The following MGA variants were observed in gnomAD, a reference collection of about 807,000 sequenced individuals.
The protein encoded by MGA is MAX dimerization protein MGA, also known as MAX gene-associated protein.
MGA carries 40 observed loss-of-function variants against 261.1 expected under a neutral mutation model. That is an observed-to-expected ratio of 0.15 (90% CI 0.12 to 0.20). The LOEUF (loss-of-function observed/expected upper bound fraction) is 0.20. Among genes scored for constraint, MGA ranks in the 10% least tolerant of loss-of-function variants. The probability of loss-of-function intolerance (pLI) is 1.00; values close to 1 mark genes in which losing one functional copy is unlikely to be tolerated. For synonymous variants in MGA, 1,302 were observed against 1,290.6 expected, an observed-to-expected ratio of 1.01 and a Z score of -0.19; for missense variants, 3,397 against 3,630.5, an observed-to-expected ratio of 0.94 and a Z score of 1.65.
rs530924623 is a variant in MGA at position 41,767,957 on chromosome 15, A to T, written c.*677A>T. 6.6e-6 allele frequency: 1 copy of T among 152,622 alleles called. No homozygotes were observed. The highest frequency in any genetic ancestry group is 2.4e-5 in the African/African-American group (1 of 41,578). The allele number at this position is 152,622 out of a possible 1,614,324, so 9.5% of individuals were successfully genotyped here. On this transcript the variant is annotated 3_prime_UTR_variant, in exon 24 of 24. Coordinates refer to ENST00000219905, the MANE Select transcript of MGA (RefSeq NM_001164273.2). Reference sequence around the variant, plus strand: ...AATTATTTTGAGATCTTAAAAAAATAGTAGTTCTCCCTTATTATTTTTGTG... The same window carrying T: ...AATTATTTTGAGATCTTAAAAAAATTGTAGTTCTCCCTTATTATTTTTGTG...
chr15:41,673,051 C>T (rs1016058123), intron 2 of MGA, among the ~76,000 whole-genome samples: 7 of 152,080 alleles, frequency 4.6e-5, no homozygotes, highest in African/African-American at 9.7e-5. Flanking sequence ...CTTATTTTTG[C>T]TTCCTTGGCT....
intron 2 of MGA, among the ~76,000 whole-genome samples, chr15:41,681,595 T>G (rs2058683909): frequency 6.6e-6 from 1 of 151,910 alleles, no homozygotes. Flanking sequence ...AGACTATAAG[T>G]GTGTGCCTCC....
Position 41,645,930 on chromosome 15 carries a change from A to G in MGA, c.-67-22898A>G, listed in dbSNP as rs763246114. Reference sequence around the variant, plus strand: ...TTCTGCATATAATCACTGTTTTGCTATTTGACTAGGTTGAATTCATTGAGA... The same window carrying G: ...TTCTGCATATAATCACTGTTTTGCTGTTTGACTAGGTTGAATTCATTGAGA... On this transcript the variant is annotated intron_variant, in intron 1 of 8. Transcript: ENST00000566718. 4.6e-5 allele frequency among the ~76,000 whole-genome samples: 7 copies of G among 152,278 alleles called. No individual in the cohort carries two copies. The East Asian group carries it at 7.7e-4, about 17-fold the overall frequency.
At chr15:41,655,006 T>G (rs1240986652) in intron 1 of MGA, among the ~76,000 whole-genome samples, 4 of 152,154 alleles carry the variant, frequency 2.6e-5, no homozygotes, top group African/African-American at 9.7e-5. Flanking sequence ...TTGTTTTTGT[T>G]GATTTTCTAG....
intron 3 of MGA, among the ~76,000 whole-genome samples, chr15:41,697,418 CTTTTTTT>C (rs1204938099): frequency 7.5e-6 from 1 of 132,834 alleles, no homozygotes; most frequent in African/African-American, 2.8e-5. Flanking sequence ...TTTTTCTTTT[CTTTTTTT>C]TTTTTTTTTG....
At chr15:41,722,518 CT>C (rs937913973) in intron 9 of MGA, among the ~76,000 whole-genome samples, 14 of 152,136 alleles carry the variant, frequency 9.2e-5, no homozygotes, top group Non-Finnish European at 1.8e-4. Context: ...ATTTAAGTGC[CT>C]TTTTTATAGG....
intron 9 of MGA, 120 bp downstream of exon 9, chr15:41,713,616 CTTA>C (rs1235071489): frequency 1.7e-6 from 2 of 1,185,746 alleles, no homozygotes; most frequent in African/African-American, 1.5e-5. Context: ...TTTGAGACTT[CTTA>C]TTATCCTTAC....
intron 13 of MGA, among the ~76,000 whole-genome samples, chr15:41,737,965 G>C (rs1056132377): frequency 6.6e-6 from 1 of 151,814 alleles, no homozygotes. Flanking sequence ...GGGCAACAGA[G>C]GGAGATTGTC....
chr15:41,710,184 G>T (rs571448204), intron 7 of MGA, among the ~76,000 whole-genome samples: 1 of 152,280 alleles, frequency 6.6e-6, no homozygotes, highest in South Asian at 2.1e-4. Flanking sequence ...GATTGTCAAA[G>T]ATTGAAGATT....
chr15:41,745,306 A>G (rs12594319), intron 15 of MGA, among the ~76,000 whole-genome samples: 17,450 of 136,666 alleles, frequency 0.13, 1,988 homozygotes, highest in East Asian at 0.65. Flanking sequence ...AAAAAAAAAA[A>G]AGAGACAGCA....
intron 1 of MGA, among the ~76,000 whole-genome samples, chr15:41,641,628 T>C (rs1425936879): frequency 6.6e-6 from 1 of 151,808 alleles, no homozygotes; most frequent in Non-Finnish European, 1.5e-5. Context: ...TAGCTGGGAC[T>C]ATAGGTGCGC....
intron 22 of MGA, among the ~76,000 whole-genome samples, chr15:41,764,246 GT>G (rs1175392076): frequency 7.3e-6 from 1 of 137,378 alleles, no homozygotes; most frequent in African/African-American, 2.6e-5. Context: ...AAAATCTGGT[GT>G]GGGTATTTTT....
At chr15:41,683,052 T>C (rs545296793) in intron 2 of MGA, among the ~76,000 whole-genome samples, 91 of 152,270 alleles carry the variant, frequency 6.0e-4, no homozygotes, top group African/African-American at 2.0e-3. Flanking sequence ...TCTTTGAAAA[T>C]GTGTTGTTGC....
At position 41,711,255 on chromosome 15, in the gene MGA, A is replaced by G; in HGVS notation, c.2990A>G (p.Asp997Gly). Reference sequence around the variant, plus strand: ...TCTAAATCTCAGGTGAAGCTAATGGACCTGGAAGACTGTGCACTTTGGGAA... The same window carrying G: ...TCTAAATCTCAGGTGAAGCTAATGGGCCTGGAAGACTGTGCACTTTGGGAA... The change falls in exon 8 of 24, where the codon GAC becomes GGC. Residue 997 changes from aspartate (D) to glycine (G), a missense_variant. Coordinates refer to ENST00000219905, the MANE Select transcript of MGA (RefSeq NM_001164273.2). 1 of 1,614,034 alleles carries G rather than the reference A, an allele frequency of 6.2e-7. No homozygotes were observed. The highest frequency in any genetic ancestry group is 8.5e-7 in the Non-Finnish European group (1 of 1,179,892).
At chr15:41,762,106 T>C in intron 21 of MGA, 23 bp from the exon 22 acceptor site, 1 of 1,558,216 alleles carries the variant, frequency 6.4e-7, no homozygotes, top group Non-Finnish European at 8.8e-7. Context: ...CTGAAAGTGC[T>C]AATGTATTCT....
intron 2 of MGA, among the ~76,000 whole-genome samples, chr15:41,681,399 G>GT (rs397967721): frequency 0.34 from 45,692 of 136,026 alleles, 7,493 homozygotes; most frequent in Admixed American, 0.4. Context: ...AGTATACTCT[G>GT]TTTTTTTTTT....
chr15:41,676,552 TG>T (rs112561470), intron 2 of MGA, among the ~76,000 whole-genome samples: 3 of 152,266 alleles, frequency 2.0e-5, no homozygotes, highest in South Asian at 2.1e-4. Flanking sequence ...TCTAGAATCC[TG>T]GTTTTTTTTC....
intron 18 of MGA, among the ~76,000 whole-genome samples, chr15:41,755,587 C>G (rs187858679): frequency 1.2e-3 from 185 of 152,242 alleles, no homozygotes; most frequent in Non-Finnish European, 2.2e-3. Context: ...TAAGACTTTT[C>G]TTACAAAATT....
chr15:41,767,650 T>G lies in MGA; in HGVS notation c.*370T>G, dbSNP rs184573494. 2.1e-5 allele frequency: 5 copies of G among 240,058 alleles called. No individual in the cohort carries two copies. The highest frequency in any genetic ancestry group is 1.1e-4 in the African/African-American group (5 of 45,084). 14.9% of individuals were successfully genotyped at this position (240,058 alleles called of 1,614,324 possible). On this transcript the variant is annotated 3_prime_UTR_variant, in exon 24 of 24. Transcript: ENST00000219905. ...GAGCTGTTTGCAACTTTGGAGTTGC[T>G]GTAGACTGAACTGTAGCTTGTAGCT...
Sources: allele counts gnomAD v4.1 joint callset (sites outside exome capture counted in the v4.1 genomes callset), GRCh38; gene constraint gnomAD v4.1.1; transcripts MANE v1.5; gene names NCBI Gene and HGNC (gene_info 2026-07-23, HGNC 2026-07-21).